APOO: variants seen among roughly 807,000 people sequenced by gnomAD.
The protein encoded by APOO is MICOS complex subunit MIC26.
In APOO, 11 loss-of-function variants were observed where a neutral mutation model predicts 23.1. The observed-to-expected ratio is 0.48, with a 90% confidence interval of 0.30 to 0.79. APOO has a LOEUF of 0.79. APOO is among the 30% of genes least tolerant of loss of function. The probability of loss-of-function intolerance (pLI) is 0.07; values close to 1 mark genes in which losing one functional copy is unlikely to be tolerated. For synonymous variants in APOO, 59 were observed against 54.8 expected (o/e 1.08, Z -0.34); for missense variants, 160 against 142.7 (o/e 1.12, Z -0.62).
At chrX:23,896,611 C>T (rs1601942555) in intron 1 of APOO, among the ~76,000 whole-genome samples, 1 of 110,892 alleles carries the variant, frequency 9.0e-6, no homozygotes, top group African/African-American at 3.3e-5. Flanking sequence ...ACAATAAAAC[C>T]CACAATCATT....
intron 7 of APOO, among the ~76,000 whole-genome samples, chrX:23,855,886 A>C (rs1401906093): frequency 1.8e-5 from 2 of 112,271 alleles, no homozygotes; most frequent in Non-Finnish European, 3.7e-5. Context: ...AGCAGTGCTA[A>C]GGAAAGAACA....
intron 8 of APOO, among the ~76,000 whole-genome samples, chrX:23,834,257 A>C (rs920336600): frequency 9.3e-6 from 1 of 108,033 alleles, no homozygotes; most frequent in East Asian, 2.9e-4. Flanking sequence ...TTAGCCGGGC[A>C]TGGTGGCGGG....
chrX:23,873,233 A>G (rs975321477), intron 4 of APOO, among the ~76,000 whole-genome samples: 2 of 111,364 alleles, frequency 1.8e-5, no homozygotes, highest in Non-Finnish European at 3.8e-5. Flanking sequence ...TTAGAATAGT[A>G]CCTGACATAT....
chrX:23,862,310 A>C (rs2146992458), intron 5 of APOO, among the ~76,000 whole-genome samples: 1 of 111,998 alleles, frequency 8.9e-6, no homozygotes, highest in South Asian at 3.7e-4. Flanking sequence ...TGAAAAAAAG[A>C]ACATTCAAAG....
Position 23,878,450 on chromosome X carries a change from C to A in APOO, c.237+465G>T, listed in dbSNP as rs972103262. On this transcript the variant is annotated intron_variant, in intron 3 of 8. Coordinates refer to ENST00000379226, the MANE Select transcript of APOO (RefSeq NM_024122.5). ...CACTGAAGAACATCTGTAAGTCAGG[C>A]ACTTTTAACTTGGGGCCTTGTATTT... Among the ~76,000 whole-genome samples, 18 of 111,798 alleles carry A rather than the reference C, an allele frequency of 1.6e-4. No homozygotes were observed. In the Admixed American group the frequency reaches 1.6e-3, roughly 10 times the overall value.
At chrX:23,860,498 C>A (rs996415846) in intron 5 of APOO, among the ~76,000 whole-genome samples, 1 of 108,777 alleles carries the variant, frequency 9.2e-6, no homozygotes, top group Non-Finnish European at 1.9e-5. Context: ...AGTAACATAG[C>A]GAGACTCCAT....
At chrX:23,840,227 T>C in intron 8 of APOO, 86 bp downstream of exon 8, 1 of 514,268 alleles carries the variant, frequency 1.9e-6, no homozygotes, top group South Asian at 5.6e-5. Flanking sequence ...ACTGTTATAA[T>C]TAATTAAATT....
chrX:23,876,420 CAAAAAAA>C lies in APOO; in HGVS notation c.238-1970_238-1964del, dbSNP rs765596295. ...CAACATGGTGAAACCTTGTCTCTAC[CAAAAAAA>C]AAAAAAAAAAAGAAAAAACTTCAGA... On this transcript the variant is annotated intron_variant, in intron 3 of 8. Coordinates refer to ENST00000379226, the MANE Select transcript of APOO (RefSeq NM_024122.5). Among the ~76,000 whole-genome samples, 7 of 43,330 alleles carry C rather than the reference CAAAAAAA, an allele frequency of 1.6e-4. No individual in the cohort carries two copies. In the East Asian group the frequency reaches 3.4e-3, roughly 21 times the overall value. The allele number at this position is 43,330 out of a possible 115,157, so 37.6% of individuals were successfully genotyped here. A position where few individuals can be genotyped will look rare whatever the true frequency, so the allele number is the denominator to read the frequency against.
At position 23,849,519 on chromosome X, in the gene APOO, C is replaced by T. The variant is rs191958837; in HGVS notation, c.561+6783G>A. Among the ~76,000 whole-genome samples the T allele has an allele frequency of 6.6e-5, 6 of 91,369 alleles. No homozygotes were observed. In the East Asian group the frequency reaches 1.7e-3, roughly 27 times the overall value. The allele number at this position is 91,369 out of a possible 115,157, so 79.3% of individuals were successfully genotyped here. A position where few individuals can be genotyped will look rare whatever the true frequency, so the allele number is the denominator to read the frequency against. On this transcript the variant is annotated intron_variant, in intron 7 of 8. Transcript: ENST00000379226. ...GGTGAAATGTGCCAGACTGTTTTAA[C>T]AGATAAACTGTAAGGAAGTCAACTC...
In APOO at chrX:23,868,695, T is replaced by A; in HGVS notation, c.293-7A>T. 2 of 1,188,045 alleles carry A rather than the reference T, an allele frequency of 1.7e-6. No homozygotes were observed. The highest frequency in any genetic ancestry group is 2.3e-6 in the Non-Finnish European group (2 of 876,870). On this transcript the variant is annotated splice_polypyrimidine_tract_variant and splice_region_variant and intron_variant, in intron 4 of 8. Coordinates refer to ENST00000379226, the MANE Select transcript of APOO (RefSeq NM_024122.5). ...TGGAGATAGTCATAGCTGTCTACAA[T>A]AGAATTAGACCAGGAAGCAGTTCCA... is the stretch of plus-strand genomic sequence containing the variant.
In APOO at chrX:23,903,789, G is replaced by A. The variant is rs926315786; in HGVS notation, c.9+3905C>T. On this transcript the variant is annotated intron_variant, in intron 1 of 8. Transcript: ENST00000379226. ...CCAAAACATACCATTCTGTTGAGTC[G>A]TACCATTCTATGGAGAACCACTGGT... Among the ~76,000 whole-genome samples, 13 of 111,415 alleles carry A rather than the reference G, an allele frequency of 1.2e-4. No homozygotes were observed. The South Asian group carries it at 5.0e-3, about 43-fold the overall frequency.
intron 3 of APOO, among the ~76,000 whole-genome samples, chrX:23,878,152 G>A (rs1388625830): frequency 8.9e-6 from 1 of 111,900 alleles, no homozygotes; most frequent in Non-Finnish European, 1.9e-5. Flanking sequence ...GGTTTAAGTG[G>A]CACTGATTTG....
chrX:23,853,267 T>G (rs1924628754), intron 7 of APOO, among the ~76,000 whole-genome samples: 1 of 109,278 alleles, frequency 9.2e-6, no homozygotes, highest in Non-Finnish European at 1.9e-5. Flanking sequence ...CAAAAATAAA[T>G]AAATAAACCA....
chrX:23,856,419 C>T (rs372204135), intron 6 of APOO, 37 bp from the exon 7 acceptor site: 90 of 1,042,330 alleles, frequency 8.6e-5, no homozygotes, highest in Non-Finnish European at 1.1e-4. Context: ...CCATCTGACC[C>T]AGCAATCCCT....
chrX:23,902,000 GTTC>G (rs1927150499), intron 1 of APOO, among the ~76,000 whole-genome samples: 1 of 111,865 alleles, frequency 8.9e-6, no homozygotes, highest in African/African-American at 3.3e-5. Context: ...GCATAGGCAT[GTTC>G]TTCTCTATAA....
chrX:23,907,733 A>C lies in APOO; in HGVS notation c.-31T>G, dbSNP rs2147060406. 2.6e-6 allele frequency: 3 copies of C among 1,158,777 alleles called. No individual in the cohort carries two copies. Among genetic ancestry groups the C allele is most frequent in the Non-Finnish European group, 3.4e-6 (3 of 869,791 alleles). On this transcript the variant is annotated 5_prime_UTR_variant, in exon 1 of 9. Transcript: ENST00000379226. Reference sequence around the variant, plus strand: ...TGGCAGCGGAGGCTCCGGCAGGGTCACCCCGGCCTCGGCCACGCCCACTAT... The same window carrying C: ...TGGCAGCGGAGGCTCCGGCAGGGTCCCCCCGGCCTCGGCCACGCCCACTAT...
At chrX:23,891,372 G>A (rs1317725477) in intron 1 of APOO, among the ~76,000 whole-genome samples, 3 of 111,054 alleles carry the variant, frequency 2.7e-5, no homozygotes, top group South Asian at 3.8e-4. Context: ...GATTACAGGC[G>A]CCCGCCACCA....
intron 3 of APOO, among the ~76,000 whole-genome samples, chrX:23,877,432 G>T (rs953241425): frequency 3.6e-5 from 4 of 112,035 alleles, no homozygotes; most frequent in Admixed American, 1.9e-4. Flanking sequence ...AAGTTCAACA[G>T]CAGCATAGGC....
chrX:23,884,435 T>C (rs1273051312), intron 1 of APOO, among the ~76,000 whole-genome samples: 1 of 112,146 alleles, frequency 8.9e-6, no homozygotes, highest in Non-Finnish European at 1.9e-5. Context: ...GTTTAATTTT[T>C]ATTTTCATTT....
Sources: gnomAD v4.1 joint callset for allele counts (sites outside exome capture counted in the v4.1 genomes callset) on GRCh38, gnomAD v4.1.1 for gene constraint, MANE v1.5 for transcripts, NCBI Gene and HGNC (gene_info 2026-07-23, HGNC 2026-07-21) for gene names.